Variants in CHFR observed in about 807,000 individuals in gnomAD.
The protein encoded by CHFR is E3 ubiquitin-protein ligase CHFR.
CHFR carries 57 observed loss-of-function variants against 87.6 expected under a neutral mutation model. The ratio of observed to expected loss-of-function variants is 0.65; its 90% CI spans 0.53 to 0.81. The LOEUF is 0.81. Ranked by LOEUF, CHFR falls within the 30% of genes least tolerant of loss-of-function variation. CHFR has a pLI of 0.00. For missense variants in CHFR, 797 were observed against 865.8 expected (o/e 0.92, Z 1.00); for synonymous variants, 381 against 359.2 (o/e 1.06, Z -0.69).
rs1950680288 is a variant in CHFR at position 132,839,900 on chromosome 12, C to T, written c.*1654G>A. The T allele has an allele frequency of 5.9e-6, 1 of 168,704 alleles. No individual in the cohort carries two copies. Among genetic ancestry groups the T allele is most frequent in the Non-Finnish European group, 1.3e-5 (1 of 78,704 alleles). 10.5% of individuals were successfully genotyped at this position (168,704 alleles called of 1,614,324 possible). A position where few individuals can be genotyped will look rare whatever the true frequency, so the allele number is the denominator to read the frequency against. On this transcript the variant is annotated 3_prime_UTR_variant, in exon 18 of 18. Coordinates refer to ENST00000450056, the MANE Select transcript of CHFR (RefSeq NM_001161346.2). The stretch of plus-strand genomic sequence containing the variant: ...CTTGGGACCTCCCTGCTCAGCCTCA[C>T]CCCTGCACAAACTTGGGACCTCCCC...
chr12:132,853,399 G>A (rs965810108), intron 11 of CHFR, 32 bp downstream of exon 11: 17 of 1,479,078 alleles, frequency 1.1e-5, no homozygotes, highest in Admixed American at 2.7e-5. Context: ...TGACTCACGC[G>A]AAGGCTGAGG....
rs143229713 is a variant in CHFR at position 132,868,220 on chromosome 12, G to A, written c.583+1399C>T. Among the ~76,000 whole-genome samples, 676 of 152,312 alleles carry A rather than the reference G, an allele frequency of 4.4e-3. 2 individuals carry two copies. The highest frequency in any genetic ancestry group is 0.015 in the African/African-American group (632 of 41,568). On this transcript the variant is annotated intron_variant, in intron 6 of 17. Coordinates refer to ENST00000450056, the MANE Select transcript of CHFR (RefSeq NM_001161346.2). ...AAAGAGCCCAGTCACGGCTGGGCGC[G>A]GCAGCTCACGCCTGTAATCCTAGCA...
intron 8 of CHFR, among the ~76,000 whole-genome samples, chr12:132,858,405 G>A (rs1027287788): frequency 1.3e-5 from 2 of 151,210 alleles, no homozygotes; most frequent in African/African-American, 2.4e-5. Flanking sequence ...GCTACATGGC[G>A]AAACCGTCTC....
rs181685454 is a variant in CHFR at position 132,847,411 on chromosome 12, T to A, written c.1648-281A>T. 3.4e-6 allele frequency: 4 copies of A among 1,186,796 alleles called. No homozygotes were observed. The African/African-American group carries it at 4.7e-5, about 14-fold the overall frequency. The allele number at this position is 1,186,796 out of a possible 1,614,324, so 73.5% of individuals were successfully genotyped here. A position where few individuals can be genotyped will look rare whatever the true frequency, so the allele number is the denominator to read the frequency against. ...ACACAGCCCAGGTGTGAATGAGACA[T>A]GAAAGCCAGGCCACAGTGCACACAG... On this transcript the variant is annotated intron_variant, in intron 14 of 17. Coordinates refer to ENST00000450056, the MANE Select transcript of CHFR (RefSeq NM_001161346.2).
At position 132,861,611 on chromosome 12, in the gene CHFR, G is replaced by A. The variant is rs34220055; in HGVS notation, c.607C>T (p.Pro203Ser). 1,329 of 1,614,070 alleles carry A rather than the reference G, an allele frequency of 8.2e-4. 6 individuals carry two copies. In the African/African-American group the frequency reaches 0.015, roughly 19 times the overall value. The change falls in exon 7 of 18, where the codon CCT becomes TCT. Residue 203 changes from proline to serine, a missense_variant. By Grantham distance (74) the Pro-to-Ser change is moderately conservative. Coordinates refer to ENST00000450056, the MANE Select transcript of CHFR (RefSeq NM_001161346.2). ...SCGSGGGGIS[P>S]KGSGPSVASD... ...GCCACAGAGGGACCACTTCCTTTAG[G>A]GGAGATGCCACCACCCCCAGACCCT...
chr12:132,849,041 G>A (rs1413221777), intron 12 of CHFR: 1 of 267,208 alleles, frequency 3.7e-6, no homozygotes, highest in Non-Finnish European at 7.2e-6. Flanking sequence ...CCGCCTCCTG[G>A]GTTCAAGGGA....
intron 12 of CHFR, 70 bp from the exon 13 acceptor site, chr12:132,848,794 C>G: frequency 8.6e-7 from 1 of 1,166,654 alleles, no homozygotes; most frequent in East Asian, 2.6e-5. Context: ...TCGTCAGCAC[C>G]AGGCTCAGGA....
At chr12:132,859,799 T>C (rs1951174905) in intron 7 of CHFR, among the ~76,000 whole-genome samples, 1 of 152,112 alleles carries the variant, frequency 6.6e-6, no homozygotes, top group African/African-American at 2.4e-5. Context: ...CCCAGCACTT[T>C]GGGAGGCTGA....
rs926136213 is a variant in CHFR at position 132,839,206 on chromosome 12, A to C, written c.*2348T>G. 1 of 153,226 alleles carries C rather than the reference A, an allele frequency of 6.5e-6. No homozygotes were observed. Among genetic ancestry groups the C allele is most frequent in the Admixed American group, 6.5e-5 (1 of 15,286 alleles). 9.5% of individuals were successfully genotyped at this position (153,226 alleles called of 1,614,324 possible). A position where few individuals can be genotyped will look rare whatever the true frequency, so the allele number is the denominator to read the frequency against. On this transcript the variant is annotated 3_prime_UTR_variant, in exon 18 of 18. Coordinates refer to ENST00000450056, the MANE Select transcript of CHFR (RefSeq NM_001161346.2). ...GAAGGGGAAGAGTGAGTATCAACCG[A>C]TCTCTCTAAGACACAGACGCAGGGT...
chr12:132,856,829 G>C (rs940857210), intron 9 of CHFR, 199 bp from the exon 10 acceptor site: 33 of 712,034 alleles, frequency 4.6e-5, no homozygotes, highest in Non-Finnish European at 7.7e-5. Flanking sequence ...GTGCCCGGGT[G>C]CTGGTGGAGG....
chr12:132,878,840 A>AG (rs1951696424), intron 2 of CHFR, among the ~76,000 whole-genome samples: 1 of 151,554 alleles, frequency 6.6e-6, no homozygotes, highest in Non-Finnish European at 1.5e-5. Flanking sequence ...AAAGAAAAAA[A>AG]AAAACTCAGG....
At chr12:132,850,872 A>G (rs1950923818) in intron 12 of CHFR, among the ~76,000 whole-genome samples, 1 of 151,800 alleles carries the variant, frequency 6.6e-6, no homozygotes, top group Non-Finnish European at 1.5e-5. Context: ...AAAAAAGGCA[A>G]AGGACATAGA....
At chr12:132,877,404 C>T (rs1951653413) in intron 3 of CHFR, 151 bp downstream of exon 3, 1 of 520,562 alleles carries the variant, frequency 1.9e-6, no homozygotes, top group Non-Finnish European at 3.4e-6. Context: ...CTAAGGGACA[C>T]ATGACTGTGC....
intron 3 of CHFR, among the ~76,000 whole-genome samples, chr12:132,875,801 A>G (rs1951617906): frequency 1.3e-5 from 2 of 152,230 alleles, no homozygotes; most frequent in South Asian, 4.1e-4. Flanking sequence ...GGAAGTGACA[A>G]AGAAACTATC....
At chr12:132,849,825 G>C (rs1044092749) in intron 12 of CHFR, 2 of 152,148 alleles carry the variant, frequency 1.3e-5, no homozygotes, top group Admixed American at 6.6e-5. Flanking sequence ...CCTGACCTCA[G>C]GTCATCCGCC....
chr12:132,851,427 G>A (rs1342111657), intron 12 of CHFR, among the ~76,000 whole-genome samples, 191 bp downstream of exon 12: 2 of 152,100 alleles, frequency 1.3e-5, no homozygotes, highest in African/African-American at 4.8e-5. Context: ...CCTGTGAAGG[G>A]GCAATGTTAC....
intron 15 of CHFR, among the ~76,000 whole-genome samples, chr12:132,844,948 A>G (rs1950787133): frequency 7.6e-6 from 1 of 131,912 alleles, no homozygotes; most frequent in African/African-American, 2.5e-5. Flanking sequence ...TGGATATAAA[A>G]TTTAAATATT....
At chr12:132,864,772 G>A (rs1042622849) in intron 6 of CHFR, among the ~76,000 whole-genome samples, 1 of 152,172 alleles carries the variant, frequency 6.6e-6, no homozygotes, top group Non-Finnish European at 1.5e-5. Flanking sequence ...ACAGGCGTAA[G>A]CCACCACACC....
chr12:132,848,498 C>A (rs552265060), intron 13 of CHFR, 143 bp downstream of exon 13: 110 of 716,828 alleles, frequency 1.5e-4, no homozygotes, highest in Non-Finnish European at 2.3e-4. Flanking sequence ...TGCAGTCCAG[C>A]CAGGAATAGG....
Sources: allele counts gnomAD v4.1 joint callset (sites outside exome capture counted in the v4.1 genomes callset), GRCh38; gene constraint gnomAD v4.1.1; transcripts MANE v1.5; gene names NCBI Gene and HGNC (gene_info 2026-07-23, HGNC 2026-07-21).